Variants in VRK1 observed in about 807,000 individuals in gnomAD.
VRK1 encodes the protein VRK serine/threonine kinase 1, also known as serine/threonine-protein kinase VRK1.
In VRK1, 33 loss-of-function variants were observed where a neutral mutation model predicts 57.1. The observed-to-expected ratio is 0.58, with a 90% CI of 0.44 to 0.77. The LOEUF is 0.77. VRK1 is among the 30% of genes least tolerant of loss of function. VRK1 has a pLI of 0.00. For synonymous variants in VRK1, 137 were observed against 147.8 expected (o/e 0.93, Z 0.53); for missense variants, 413 against 477.3 (o/e 0.87, Z 1.25).
At chr14:96,874,153 T>C (rs1888933759) in intron 11 of VRK1, among the ~76,000 whole-genome samples, 1 of 152,256 alleles carries the variant, frequency 6.6e-6, no homozygotes, top group Admixed American at 6.5e-5. Context: ...CATTCTCTGC[T>C]GTATGGAAAG....
chr14:96,833,341 A>G (rs1887085529), intron 1 of VRK1, 126 bp from the exon 2 acceptor site: 1 of 1,000,296 alleles, frequency 1.0e-6, no homozygotes, highest in Admixed American at 2.3e-5. Context: ...ATTAACAGGT[A>G]TCCTTTAAGT....
At chr14:96,819,863 C>T (rs144295103) in intron 1 of VRK1, among the ~76,000 whole-genome samples, 21 of 152,238 alleles carry the variant, frequency 1.4e-4, no homozygotes, top group Middle Eastern at 3.4e-3. Context: ...GTTTGTTGTG[C>T]GACGTGCAGT....
At chr14:96,876,986 T>C (rs736929) in intron 12 of VRK1, among the ~76,000 whole-genome samples, 61,127 of 151,712 alleles carry the variant, frequency 0.4, 13,371 homozygotes, top group East Asian at 0.85. Flanking sequence ...TCATGTGATA[T>C]GATGATGTAC....
intron 1 of VRK1, among the ~76,000 whole-genome samples, chr14:96,803,632 G>A (rs1178973154): frequency 6.6e-6 from 1 of 152,142 alleles, no homozygotes; most frequent in Non-Finnish European, 1.5e-5. Context: ...CACCATTTAA[G>A]GTATCCACTG....
intron 1 of VRK1, among the ~76,000 whole-genome samples, chr14:96,805,980 TTTTC>T (rs1885858077): frequency 6.6e-6 from 1 of 151,278 alleles, no homozygotes; most frequent in East Asian, 1.9e-4. Flanking sequence ...CACAGAGAAT[TTTTC>T]TTTTTTTTTT....
chr14:96,872,911 G>T (rs1472157602), intron 11 of VRK1, among the ~76,000 whole-genome samples: 1 of 152,052 alleles, frequency 6.6e-6, no homozygotes, highest in Non-Finnish European at 1.5e-5. Flanking sequence ...TAGTCACATG[G>T]ACTGATTAGT....
At chr14:96,806,744 G>C (rs1400875306) in intron 1 of VRK1, among the ~76,000 whole-genome samples, 2 of 152,118 alleles carry the variant, frequency 1.3e-5, no homozygotes, top group Non-Finnish European at 2.9e-5. Context: ...TGATATACCT[G>C]AAGGTATTTT....
intron 12 of VRK1, 77 bp from the exon 13 acceptor site, chr14:96,881,100 G>A (rs1889241565): frequency 8.9e-7 from 1 of 1,126,776 alleles, no homozygotes; most frequent in Admixed American, 2.1e-5. Flanking sequence ...ACTATATTTA[G>A]GGATATTTAT....
At chr14:96,859,916 A>G (rs978189655) in intron 10 of VRK1, among the ~76,000 whole-genome samples, 1 of 152,134 alleles carries the variant, frequency 6.6e-6, no homozygotes, top group Admixed American at 6.5e-5. Flanking sequence ...AGGTCGGGGG[A>G]AAGGTCTGTG....
chr14:96,801,823 A>G lies in VRK1; in HGVS notation c.-6+4376A>G, dbSNP rs541792798. 2.6e-5 allele frequency among the ~76,000 whole-genome samples: 4 copies of G among 152,320 alleles called. No individual in the cohort carries two copies. The East Asian group carries it at 7.7e-4, about 29-fold the overall frequency. On this transcript the variant is annotated intron_variant, in intron 1 of 12. Transcript: ENST00000216639. The stretch of plus-strand genomic sequence containing the variant: ...TCATGAAGCGGAAGTGGGCCATCTT[A>G]AAGGTCTTCATCCTCATTGTCTTGG...
At chr14:96,802,736 A>G (rs1329655464) in intron 1 of VRK1, among the ~76,000 whole-genome samples, 1 of 152,212 alleles carries the variant, frequency 6.6e-6, no homozygotes, top group Non-Finnish European at 1.5e-5. Flanking sequence ...AGTGATGAAT[A>G]TTGTATTAGT....
At chr14:96,837,939 A>G (rs1331654952) in intron 3 of VRK1, 122 bp downstream of exon 3, 3 of 533,874 alleles carry the variant, frequency 5.6e-6, no homozygotes, top group Non-Finnish European at 9.0e-6. Flanking sequence ...TAATAACTTA[A>G]AAAATATTTA....
chr14:96,855,144 G>C, intron 7 of VRK1, 80 bp from the exon 8 acceptor site: 3 of 1,607,702 alleles, frequency 1.9e-6, no homozygotes, highest in South Asian at 2.2e-5. Context: ...TCAGATGCCA[G>C]TATTTTGTTT....
chr14:96,879,803 C>T (rs554666289), intron 12 of VRK1, among the ~76,000 whole-genome samples: 5 of 151,952 alleles, frequency 3.3e-5, no homozygotes, highest in Middle Eastern at 3.4e-3. Flanking sequence ...GTGACAGGCA[C>T]CTGTAATCTC....
At chr14:96,807,379 G>A (rs1049734007) in intron 1 of VRK1, among the ~76,000 whole-genome samples, 1 of 152,106 alleles carries the variant, frequency 6.6e-6, no homozygotes, top group African/African-American at 2.4e-5. Flanking sequence ...TTTTTGATTT[G>A]AAACATCTCC....
At chr14:96,819,853 G>C (rs1886531579) in intron 1 of VRK1, among the ~76,000 whole-genome samples, 1 of 152,218 alleles carries the variant, frequency 6.6e-6, no homozygotes, top group Non-Finnish European at 1.5e-5. Flanking sequence ...CTTTTGGAGT[G>C]TTTGTTGTGC....
intron 10 of VRK1, among the ~76,000 whole-genome samples, 177 bp downstream of exon 10, chr14:96,856,763 T>A (rs1057429742): frequency 1.3e-5 from 2 of 152,076 alleles, no homozygotes; most frequent in Non-Finnish European, 2.9e-5. Context: ...GGTCAGGAGA[T>A]CAAGACCATC....
intron 1 of VRK1, among the ~76,000 whole-genome samples, chr14:96,825,088 A>T (rs2139729111): frequency 6.6e-6 from 1 of 152,248 alleles, no homozygotes; most frequent in South Asian, 2.1e-4. Flanking sequence ...GTTGGAGGGG[A>T]TGGGATCCAA....
chr14:96,838,571 T>TC (rs35688327), intron 3 of VRK1, among the ~76,000 whole-genome samples: 102,630 of 152,230 alleles, frequency 0.67, 35,241 homozygotes, highest in East Asian at 0.89. Context: ...TTACTTTTTC[T>TC]CTACGGGATA....
Sources: allele counts gnomAD v4.1 joint callset (sites outside exome capture counted in the v4.1 genomes callset), GRCh38; gene constraint gnomAD v4.1.1; transcripts MANE v1.5; gene names NCBI Gene and HGNC (gene_info 2026-07-23, HGNC 2026-07-21).